PGM5: variants seen among roughly 807,000 people sequenced by gnomAD.
The protein encoded by PGM5 is phosphoglucomutase-like protein 5.
In PGM5, 23 loss-of-function variants were observed where a neutral mutation model predicts 59.2. The ratio of observed to expected loss-of-function variants is 0.39; its 90% CI spans 0.28 to 0.55. The LOEUF (loss-of-function observed/expected upper bound fraction) is 0.55, where lower values mean the gene tolerates loss of function less well. PGM5 is among the 20% of genes least tolerant of loss of function. PGM5 has a pLI of 0.66. For missense variants in PGM5, 574 were observed against 748.3 expected, an observed-to-expected ratio of 0.77 and a Z score of 2.72; for synonymous variants, 214 against 286.0, an observed-to-expected ratio of 0.75 and a Z score of 2.54.
Position 68,529,667 on chromosome 9 carries a change from G to C in PGM5, c.*11G>C. ...ACTGTCATCACCTGAATAGAGGAAAGATCACTCACCAGGGCCAAAGAGAGT... is the reference window on the plus strand; with the variant it reads ...ACTGTCATCACCTGAATAGAGGAAACATCACTCACCAGGGCCAAAGAGAGT... On this transcript the variant is annotated 3_prime_UTR_variant, in exon 11 of 11. Coordinates refer to ENST00000396396, the MANE Select transcript of PGM5 (RefSeq NM_021965.4). The C allele has an allele frequency of 6.4e-7, 1 of 1,554,804 alleles. No individual in the cohort carries two copies. The highest frequency in any genetic ancestry group is 1.8e-5 in the Admixed American group (1 of 56,212).
chr9:68,527,955 T>A (rs1825015326), intron 10 of PGM5, among the ~76,000 whole-genome samples: 1 of 152,234 alleles, frequency 6.6e-6, no homozygotes, highest in South Asian at 2.1e-4. Flanking sequence ...CTCTCAGGAT[T>A]CTTCTGTATC....
At chr9:68,454,888 T>C (rs954560643) in intron 6 of PGM5, among the ~76,000 whole-genome samples, 6 of 152,368 alleles carry the variant, frequency 3.9e-5, no homozygotes, top group African/African-American at 1.4e-4. Flanking sequence ...CGTAACTATG[T>C]GTCATTAAAC....
chr9:68,474,733 G>T (rs568827842), intron 7 of PGM5, among the ~76,000 whole-genome samples: 1 of 151,514 alleles, frequency 6.6e-6, no homozygotes, highest in African/African-American at 2.4e-5. Flanking sequence ...AGAAAGGCAA[G>T]GTGAGTGGTA....
At chr9:68,409,443 T>C (rs559352648) in intron 6 of PGM5, among the ~76,000 whole-genome samples, 2,321 of 126,950 alleles carry the variant, frequency 0.018, 17 homozygotes, top group African/African-American at 0.057. Context: ...TATTGCGGCA[T>C]TATTCACAAT....
chr9:68,409,831 T>G (rs1587798800), intron 6 of PGM5, among the ~76,000 whole-genome samples: 1 of 145,000 alleles, frequency 6.9e-6, no homozygotes, highest in Non-Finnish European at 1.5e-5. Context: ...CATATGTAAC[T>G]AACCTGCACA....
At chr9:68,422,851 T>C (rs782713235) in intron 6 of PGM5, among the ~76,000 whole-genome samples, 10 of 152,146 alleles carry the variant, frequency 6.6e-5, no homozygotes, top group African/African-American at 9.7e-5. Flanking sequence ...GCATGCTATT[T>C]GTAGTCTTCT....
chr9:68,392,714 T>C (rs186537334), intron 6 of PGM5, among the ~76,000 whole-genome samples: 41 of 152,248 alleles, frequency 2.7e-4, no homozygotes, highest in Non-Finnish European at 8.8e-5. Context: ...TCAGTTTTCT[T>C]ATCTGTAAAA....
intron 6 of PGM5, chr9:68,400,463 CTT>C (rs1554680496): frequency 6.6e-6 from 1 of 152,460 alleles, no homozygotes; most frequent in African/African-American, 2.4e-5. Flanking sequence ...TCTTCTTTAT[CTT>C]TTATGGCTTG....
chr9:68,512,588 A>G (rs1824766590), intron 10 of PGM5, among the ~76,000 whole-genome samples: 1 of 151,972 alleles, frequency 6.6e-6, no homozygotes, highest in African/African-American at 2.4e-5. Flanking sequence ...CTTCATTATC[A>G]TCTTCCTTCT....
At chr9:68,402,593 T>C (rs150763123) in intron 6 of PGM5, 1 of 152,312 alleles carries the variant, frequency 6.6e-6, no homozygotes, top group Admixed American at 6.5e-5. Flanking sequence ...AGACATAACT[T>C]ACAGAGTTGG....
intron 6 of PGM5, among the ~76,000 whole-genome samples, chr9:68,411,576 T>G (rs2132039232): frequency 6.6e-6 from 1 of 151,804 alleles, no homozygotes; most frequent in South Asian, 2.1e-4. Context: ...TCATTACTTT[T>G]GGATGTCCCT....
intron 7 of PGM5, among the ~76,000 whole-genome samples, chr9:68,476,655 T>G (rs1189664072): frequency 6.6e-6 from 1 of 152,190 alleles, no homozygotes; most frequent in Admixed American, 6.5e-5. Context: ...TGTCCCAAAC[T>G]CAAAGAACTA....
At chr9:68,522,903 C>G (rs548180949) in intron 10 of PGM5, among the ~76,000 whole-genome samples, 1 of 152,308 alleles carries the variant, frequency 6.6e-6, no homozygotes, top group African/African-American at 2.4e-5. Context: ...TGGTTTCACC[C>G]TGCTTTCTTA....
At chr9:68,444,476 G>T (rs1310527258) in intron 6 of PGM5, among the ~76,000 whole-genome samples, 2 of 152,134 alleles carry the variant, frequency 1.3e-5, no homozygotes, top group African/African-American at 4.8e-5. Context: ...GAAAAAGCTG[G>T]TCTCAAAAAT....
At chr9:68,506,137 A>T (rs2132109851) in intron 10 of PGM5, among the ~76,000 whole-genome samples, 1 of 152,384 alleles carries the variant, frequency 6.6e-6, no homozygotes, top group Non-Finnish European at 1.5e-5. Flanking sequence ...AGTTTGGCCT[A>T]AAGGTTTTTC....
At chr9:68,466,937 A>T (rs971285857) in intron 7 of PGM5, among the ~76,000 whole-genome samples, 2 of 152,198 alleles carry the variant, frequency 1.3e-5, no homozygotes, top group Non-Finnish European at 2.9e-5. Flanking sequence ...CCCCAGAGGC[A>T]GAAGAGTTTT....
At chr9:68,374,712 C>T (rs1554677417) in intron 1 of PGM5, among the ~76,000 whole-genome samples, 3 of 152,114 alleles carry the variant, frequency 2.0e-5, no homozygotes, top group East Asian at 1.9e-4. Context: ...CCAGAGCAGC[C>T]GTTCATCATT....
At position 68,507,219 on chromosome 9, in the gene PGM5, C is replaced by G. The variant is rs1490705794; in HGVS notation, c.1614+7858C>G. Among the ~76,000 whole-genome samples, 4 of 152,094 alleles carry G rather than the reference C, an allele frequency of 2.6e-5. No individual in the cohort carries two copies. The South Asian group carries it at 6.2e-4, about 24-fold the overall frequency. On this transcript the variant is annotated intron_variant, in intron 10 of 10. Coordinates refer to ENST00000396396, the MANE Select transcript of PGM5 (RefSeq NM_021965.4). Reference sequence around the variant, plus strand: ...GAAACACTTGGTGAAGAGTTGGGCTCTAAACTCTATGACCAAGTTAAGGAG... The same window carrying G: ...GAAACACTTGGTGAAGAGTTGGGCTGTAAACTCTATGACCAAGTTAAGGAG...
At chr9:68,519,421 GA>G (rs914100651) in intron 10 of PGM5, among the ~76,000 whole-genome samples, 2 of 151,990 alleles carry the variant, frequency 1.3e-5, no homozygotes, top group African/African-American at 4.8e-5. Flanking sequence ...TATATTGGAA[GA>G]AAATAAAGGT....
Sources: allele counts gnomAD v4.1 joint callset (sites outside exome capture counted in the v4.1 genomes callset), GRCh38; gene constraint gnomAD v4.1.1; transcripts MANE v1.5; gene names NCBI Gene and HGNC (gene_info 2026-07-23, HGNC 2026-07-21).